The following DCHS2 variants were observed in gnomAD, a reference collection of about 807,000 sequenced individuals.
DCHS2 encodes the protein dachsous cadherin-related 2, also known as protocadherin-23.
Under a neutral mutation model 182.4 loss-of-function variants are expected in DCHS2, and 142 were observed. That is an observed-to-expected ratio of 0.78 (90% confidence interval 0.68 to 0.89). DCHS2 has a LOEUF of 0.89. DCHS2 is among the 40% of genes least tolerant of loss of function. The probability of loss-of-function intolerance (pLI) is 0.00; values close to 1 mark genes in which losing one functional copy is unlikely to be tolerated. For synonymous variants in DCHS2, 1,740 were observed against 1,663.3 expected (o/e 1.05, Z -1.12); for missense variants, 4,319 against 4,198.6 (o/e 1.03, Z -0.79).
At chr4:154,419,344 C>G (rs1488747405) in intron 1 of DCHS2, among the ~76,000 whole-genome samples, 1 of 152,150 alleles carries the variant, frequency 6.6e-6, no homozygotes. Context: ...TTATGAGGAA[C>G]TCAAGCAACT....
At chr4:154,278,092 C>T (rs1036213060) in intron 13 of DCHS2, among the ~76,000 whole-genome samples, 3 of 150,518 alleles carry the variant, frequency 2.0e-5, no homozygotes, top group Non-Finnish European at 4.4e-5. Context: ...CAATGCACTA[C>T]AAGAGAACAC....
intron 1 of DCHS2, among the ~76,000 whole-genome samples, chr4:154,419,625 G>A (rs1004132749): frequency 1.4e-4 from 19 of 135,400 alleles, no homozygotes; most frequent in African/African-American, 5.3e-4. Flanking sequence ...ATTCCAGCCT[G>A]GGCAAAAGAA....
intron 5 of DCHS2, among the ~76,000 whole-genome samples, 168 bp from the exon 6 acceptor site, chr4:154,329,878 A>C (rs1736453703): frequency 6.6e-6 from 1 of 152,208 alleles, no homozygotes; most frequent in Non-Finnish European, 1.5e-5. Flanking sequence ...AAATTTTCTC[A>C]AGTTGCTCCT....
At position 154,447,723 on chromosome 4, in the gene DCHS2, A is replaced by C. The variant is rs113323328; in HGVS notation, c.2052+41581T>G. Reference sequence around the variant, plus strand: ...TCCTGATGTGGTGCTGTCTTTACTGAGAAGTTAAAACTATTATATGATGGT... The same window carrying C: ...TCCTGATGTGGTGCTGTCTTTACTGCGAAGTTAAAACTATTATATGATGGT... On this transcript the variant is annotated intron_variant, in intron 1 of 19. Coordinates refer to ENST00000357232, the MANE Select transcript of DCHS2 (RefSeq NM_001358235.2). Among the ~76,000 whole-genome samples the C allele has an allele frequency of 1.9e-3, 289 of 152,308 alleles. 4 individuals are homozygous for C. Among genetic ancestry groups the C allele is most frequent in the African/African-American group, 6.4e-3 (266 of 41,566 alleles).
intron 10 of DCHS2, among the ~76,000 whole-genome samples, chr4:154,313,504 A>T (rs906927630): frequency 1.6e-4 from 24 of 152,136 alleles, no homozygotes; most frequent in Admixed American, 4.6e-4. Flanking sequence ...GTATTTTTTT[A>T]AAAAAATACG....
At chr4:154,394,600 C>T (rs1303995581) in intron 1 of DCHS2, among the ~76,000 whole-genome samples, 2 of 152,162 alleles carry the variant, frequency 1.3e-5, no homozygotes, top group Non-Finnish European at 1.5e-5. Context: ...AATTCAGTAG[C>T]TCGATAATCC....
chr4:154,392,691 C>T (rs147212615), intron 1 of DCHS2, among the ~76,000 whole-genome samples: 2 of 152,282 alleles, frequency 1.3e-5, no homozygotes, highest in Non-Finnish European at 2.9e-5. Context: ...GTGGGATGCA[C>T]CGTTTTGTAT....
intron 16 of DCHS2, among the ~76,000 whole-genome samples, chr4:154,252,955 A>AGTT (rs1228073390): frequency 3.3e-5 from 5 of 152,244 alleles, no homozygotes; most frequent in Middle Eastern, 6.8e-3. Flanking sequence ...AAAAGTAAAA[A>AGTT]GTTGGAAGCT....
Position 154,255,581 on chromosome 4 carries a change from A to G in DCHS2, c.6879T>C (p.Asp2293=), listed in dbSNP as rs781113097. Reference sequence around the variant, plus strand: ...TTGTTGTTATCACACCACTCAGTGCATCAATCTGGAATGCTTCTTCTTGGT... The same window carrying G: ...TTGTTGTTATCACACCACTCAGTGCGTCAATCTGGAATGCTTCTTCTTGGT... ...SGNQEEAFQI[D]ALSGVITTKA... is the part of the protein sequence containing the mutation. Residue 2293 remains aspartate (D), a synonymous_variant, in exon 16 of 20, where the codon GAT becomes GAC. Coordinates refer to ENST00000357232, the MANE Select transcript of DCHS2 (RefSeq NM_001358235.2). The G allele has an allele frequency of 5.0e-6, 8 of 1,613,948 alleles. No individual in the cohort carries two copies. The East Asian group carries it at 1.3e-4, about 27-fold the overall frequency.
At chr4:154,368,311 C>T (rs1730486749) in intron 2 of DCHS2, among the ~76,000 whole-genome samples, 1 of 152,130 alleles carries the variant, frequency 6.6e-6, no homozygotes, top group African/African-American at 2.4e-5. Flanking sequence ...TTCCCTTTTC[C>T]TTTCCCCTTC....
intron 1 of DCHS2, among the ~76,000 whole-genome samples, chr4:154,420,169 C>G (rs1448585587): frequency 6.6e-6 from 1 of 150,754 alleles, no homozygotes; most frequent in Non-Finnish European, 1.5e-5. Context: ...GCTGGGGAGA[C>G]CAGATGGAGA....
In DCHS2 at chr4:154,491,585, A is replaced by G; in HGVS notation, c.-230T>C. 1 of 1,345,262 alleles carries G rather than the reference A, an allele frequency of 7.4e-7. No homozygotes were observed. The highest frequency in any genetic ancestry group is 9.5e-7 in the Non-Finnish European group (1 of 1,055,656). The allele number at this position is 1,345,262 out of a possible 1,614,324, so 83.3% of individuals were successfully genotyped here. A position where few individuals can be genotyped will look rare whatever the true frequency, so the allele number is the denominator to read the frequency against. Reference sequence around the variant, plus strand: ...AAGCTCTAGCTGCCTCTGCCGCGGCAGCCACCTCTTCTGCCCCTGGATTTC... The same window carrying G: ...AAGCTCTAGCTGCCTCTGCCGCGGCGGCCACCTCTTCTGCCCCTGGATTTC... On this transcript the variant is annotated 5_prime_UTR_variant, in exon 1 of 20. Transcript: ENST00000357232.
intron 1 of DCHS2, among the ~76,000 whole-genome samples, chr4:154,448,686 G>A (rs951921426): frequency 1.1e-4 from 17 of 152,072 alleles, no homozygotes; most frequent in African/African-American, 2.9e-4. Context: ...TCCTTAACAC[G>A]GCCCCCTGCT....
At chr4:154,328,263 A>G in intron 6 of DCHS2, 71 bp from the exon 7 acceptor site, 2 of 1,026,104 alleles carry the variant, frequency 1.9e-6, no homozygotes. Flanking sequence ...GGACCTTTAA[A>G]TGAATGAATA....
rs979602640 is a variant in DCHS2 at position 154,486,356 on chromosome 4, C to T, written c.2052+2948G>A. ...GCAACTAGAGTGGTAGGACCCCAAACATTGGGGATGTGGAGTAACCACTAA... is the reference window on the plus strand; with the variant it reads ...GCAACTAGAGTGGTAGGACCCCAAATATTGGGGATGTGGAGTAACCACTAA... On this transcript the variant is annotated intron_variant, in intron 1 of 19. Transcript: ENST00000357232. The T allele has an allele frequency of 6.3e-6, 8 of 1,276,052 alleles. No homozygotes were observed. The African/African-American group carries it at 9.2e-5, about 15-fold the overall frequency. The allele number at this position is 1,276,052 out of a possible 1,614,324, so 79.0% of individuals were successfully genotyped here.
chr4:154,334,855 A>C lies in DCHS2; in HGVS notation c.2713+13T>G. 1 of 1,576,506 alleles carries C rather than the reference A, an allele frequency of 6.3e-7. No homozygotes were observed. The highest frequency in any genetic ancestry group is 8.7e-7 in the Non-Finnish European group (1 of 1,145,884). On this transcript the variant is annotated intron_variant, in intron 4 of 19. Coordinates refer to ENST00000357232, the MANE Select transcript of DCHS2 (RefSeq NM_001358235.2). ...TAATGGAATTCCATGCAGCATAAGA[A>C]ATAAGTACTTACTCAAGGGCTCTCT...
intron 2 of DCHS2, among the ~76,000 whole-genome samples, chr4:154,372,556 T>C (rs1003046333): frequency 6.6e-6 from 1 of 152,006 alleles, no homozygotes; most frequent in African/African-American, 2.4e-5. Flanking sequence ...GAATCCAGGA[T>C]GTAACAAAAA....
chr4:154,255,724 A>G, intron 15 of DCHS2, 54 bp from the exon 16 acceptor site: 1 of 1,537,826 alleles, frequency 6.5e-7, no homozygotes, highest in Non-Finnish European at 8.8e-7. Context: ...ATATGGGTTC[A>G]GTCTGTTTTT....
At position 154,491,534 on chromosome 4, in the gene DCHS2, C is replaced by A. The variant is rs921806397; in HGVS notation, c.-179G>T. On this transcript the variant is annotated 5_prime_UTR_variant, in exon 1 of 20. Coordinates refer to ENST00000357232, the MANE Select transcript of DCHS2 (RefSeq NM_001358235.2). ...CTGCAACTGGTGAAAGCGTCCTCTG[C>A]CTGCAGCTCACGCAGACAGGGAAGT... The A allele has an allele frequency of 1.9e-5, 26 of 1,392,444 alleles. No individual in the cohort carries two copies. Among genetic ancestry groups the A allele is most frequent in the African/African-American group, 4.4e-5 (3 of 68,180 alleles). The allele number at this position is 1,392,444 out of a possible 1,614,324, so 86.3% of individuals were successfully genotyped here. A position where few individuals can be genotyped will look rare whatever the true frequency, so the allele number is the denominator to read the frequency against.
Sources: gnomAD v4.1 joint callset for allele counts (sites outside exome capture counted in the v4.1 genomes callset) on GRCh38, gnomAD v4.1.1 for gene constraint, MANE v1.5 for transcripts, NCBI Gene and HGNC (gene_info 2026-07-23, HGNC 2026-07-21) for gene names.